Variants in GPHN observed in about 807,000 individuals in gnomAD.
The protein encoded by GPHN is gephyrin.
Under a neutral mutation model 95.5 loss-of-function variants are expected in GPHN, and 17 were observed. The observed-to-expected ratio is 0.18, with a 90% CI of 0.12 to 0.27. The LOEUF is 0.27. GPHN is among the 10% of genes least tolerant of loss of function. The pLI is 1.00. For synonymous variants in GPHN, 320 were observed against 322.5 expected (o/e 0.99, Z 0.08); for missense variants, 660 against 978.1 (o/e 0.67, Z 4.34).
intron 8 of GPHN, among the ~76,000 whole-genome samples, chr14:66,928,789 G>A (rs2066621859): frequency 6.6e-6 from 1 of 152,022 alleles, no homozygotes; most frequent in Non-Finnish European, 1.5e-5. Flanking sequence ...GGTCTTTCAG[G>A]AGCATATTGT....
chr14:66,905,935 C>T (rs2065357099), intron 5 of GPHN, among the ~76,000 whole-genome samples: 1 of 151,340 alleles, frequency 6.6e-6, no homozygotes, highest in African/African-American at 2.4e-5. Context: ...TATAGTATTC[C>T]ATGGTGTGTA....
the GPHN span, among the ~76,000 whole-genome samples, chr14:67,297,741 T>C: frequency 6.6e-6 from 1 of 152,160 alleles, no homozygotes; most frequent in Non-Finnish European, 1.5e-5. Context: ...AAAGGAGACA[T>C]CAAGGATGAC....
At chr14:66,835,997 C>T (rs1183697874) in intron 4 of GPHN, among the ~76,000 whole-genome samples, 7 of 138,714 alleles carry the variant, frequency 5.0e-5, no homozygotes, top group Admixed American at 1.4e-4. Flanking sequence ...GAATCAATAT[C>T]GTGAAAATGG....
chr14:67,365,127 CT>C, the GPHN span: 2 of 1,084,126 alleles, frequency 1.8e-6, no homozygotes, highest in Non-Finnish European at 2.5e-6. Flanking sequence ...ATACTTAAAC[CT>C]TTTACATACA....
chr14:66,932,444 G>GTTT (rs35159325), intron 8 of GPHN, among the ~76,000 whole-genome samples: 1,165 of 24,372 alleles, frequency 0.048, 431 homozygotes, highest in East Asian at 0.1. Context: ...CCAAGACCAG[G>GTTT]TTTTTTTTTT....
intron 1 of GPHN, 64 bp downstream of exon 1, chr14:66,508,655 G>C: frequency 7.4e-7 from 1 of 1,357,994 alleles, no homozygotes; most frequent in Non-Finnish European, 1.1e-6. Context: ...TAGGCTTTTC[G>C]CCTGTGGTGG....
the GPHN span, among the ~76,000 whole-genome samples, chr14:67,476,568 C>G: frequency 6.6e-6 from 1 of 152,034 alleles, no homozygotes; most frequent in Non-Finnish European, 1.5e-5. Context: ...GCCTGGGCAA[C>G]AGAGCAAGAC....
At chr14:67,608,481 C>T in the GPHN span, among the ~76,000 whole-genome samples, 1 of 152,054 alleles carries the variant, frequency 6.6e-6, no homozygotes, top group Admixed American at 6.6e-5. Flanking sequence ...TGAGGGAGGT[C>T]CTGGAACCAA....
chr14:66,787,224 CTG>C (rs2153468111), intron 3 of GPHN, among the ~76,000 whole-genome samples: 1 of 152,132 alleles, frequency 6.6e-6, no homozygotes, highest in South Asian at 2.1e-4. Context: ...CATTTGGAAA[CTG>C]AAATTTAAAT....
intron 9 of GPHN, among the ~76,000 whole-genome samples, chr14:66,997,259 C>G (rs1397241877): frequency 1.3e-5 from 2 of 151,242 alleles, no homozygotes; most frequent in African/African-American, 4.9e-5. Flanking sequence ...CCCAGCTACT[C>G]GAGAGGCTGA....
At chr14:67,424,843 G>C in the GPHN span, among the ~76,000 whole-genome samples, 1 of 152,264 alleles carries the variant, frequency 6.6e-6, no homozygotes, top group East Asian at 1.9e-4. Flanking sequence ...CCTGTGTCTG[G>C]AAGTGGGCTC....
chr14:67,620,430 G>A, the GPHN span, among the ~76,000 whole-genome samples: 1 of 152,110 alleles, frequency 6.6e-6, no homozygotes, highest in African/African-American at 2.4e-5. Flanking sequence ...TGGAGGAGGC[G>A]AAACTGGTCA....
the GPHN span, among the ~76,000 whole-genome samples, chr14:67,667,478 A>G: frequency 1.3e-5 from 2 of 152,208 alleles, no homozygotes; most frequent in South Asian, 4.1e-4. Flanking sequence ...AGGGACTATA[A>G]GACTACTGAC....
At chr14:66,640,709 T>C (rs1431973694) in intron 1 of GPHN, among the ~76,000 whole-genome samples, 1 of 152,166 alleles carries the variant, frequency 6.6e-6, no homozygotes, top group Non-Finnish European at 1.5e-5. Context: ...TAGGAAAACC[T>C]ATGTGTTGAG....
Position 66,854,397 on chromosome 14 carries a change from A to G in GPHN, c.295-25542A>G, listed in dbSNP as rs369680204. ...GCCTGAATGGAAGATGACAGCAACT[A>G]TAATATGAGACACCTATTTTCCCAA... On this transcript the variant is annotated intron_variant, in intron 4 of 22. Transcript: ENST00000478722. Among the ~76,000 whole-genome samples, 6 of 152,214 alleles carry G rather than the reference A, an allele frequency of 3.9e-5. No homozygotes were observed. In the East Asian group the frequency reaches 1.2e-3, roughly 29 times the overall value.
chr14:66,971,028 A>G (rs931059305), intron 9 of GPHN, among the ~76,000 whole-genome samples: 8 of 152,156 alleles, frequency 5.3e-5, no homozygotes, highest in African/African-American at 1.9e-4. Context: ...ATATCTAACA[A>G]TATTTGTTGT....
At chr14:67,056,393 C>G (rs1487926530) in intron 10 of GPHN, among the ~76,000 whole-genome samples, 1 of 152,132 alleles carries the variant, frequency 6.6e-6, no homozygotes, top group Non-Finnish European at 1.5e-5. Context: ...CTGATTGGTG[C>G]ATTTATAAAC....
At chr14:67,125,547 C>T (rs988294294) in intron 17 of GPHN, among the ~76,000 whole-genome samples, 2 of 152,170 alleles carry the variant, frequency 1.3e-5, no homozygotes, top group African/African-American at 2.4e-5. Flanking sequence ...GAGGCCAAGG[C>T]GGGCGGATCA....
intron 1 of GPHN, among the ~76,000 whole-genome samples, chr14:66,602,203 A>G (rs1026458744): frequency 6.6e-6 from 1 of 151,996 alleles, no homozygotes. Flanking sequence ...GATTGTGTTG[A>G]TCAGTGTTCT....
Sources: gnomAD v4.1 joint callset for allele counts (sites outside exome capture counted in the v4.1 genomes callset) on GRCh38, gnomAD v4.1.1 for gene constraint, MANE v1.5 for transcripts, NCBI Gene and HGNC (gene_info 2026-07-23, HGNC 2026-07-21) for gene names.